ADAMTSL1: variants seen among roughly 807,000 people sequenced by gnomAD.
The protein encoded by ADAMTSL1 is ADAMTS like 1.
A neutral mutation model predicts 201.8 loss-of-function variants in ADAMTSL1; 126 were observed. That is an observed-to-expected ratio of 0.62 (90% CI 0.54 to 0.72). The LOEUF is 0.72. Among genes scored for constraint, ADAMTSL1 ranks in the 30% least tolerant of loss-of-function variants. The pLI, the probability that ADAMTSL1 is intolerant of heterozygous loss-of-function variation, is 0.00. For synonymous variants in ADAMTSL1, 1,121 were observed against 903.4 expected (o/e 1.24, Z -4.32); for missense variants, 2,679 against 2,277.8 (o/e 1.18, Z -3.59).
At chr9:18,192,470 A>G (rs1043798598) in intron 2 of ADAMTSL1, among the ~76,000 whole-genome samples, 11 of 152,122 alleles carry the variant, frequency 7.2e-5, no homozygotes, top group Non-Finnish European at 1.3e-4. Flanking sequence ...TCGTCCTACC[A>G]TATGTGTCTA....
intron 2 of ADAMTSL1, among the ~76,000 whole-genome samples, chr9:18,371,101 G>T (rs1349352785): frequency 6.6e-6 from 1 of 151,766 alleles, no homozygotes; most frequent in African/African-American, 2.4e-5. Context: ...CTAAATTCTT[G>T]CTTTAAGTAA....
intron 2 of ADAMTSL1, among the ~76,000 whole-genome samples, chr9:18,527,408 C>G (rs1277722477): frequency 1.3e-5 from 2 of 152,046 alleles, no homozygotes; most frequent in Non-Finnish European, 2.9e-5. Context: ...GGCTATGTCA[C>G]CAGAAGGATC....
intron 16 of ADAMTSL1, 123 bp from the exon 17 acceptor site, chr9:18,770,479 T>G: frequency 2.8e-6 from 3 of 1,059,150 alleles, no homozygotes; most frequent in Non-Finnish European, 3.9e-6. Flanking sequence ...GATTCCTGGT[T>G]TTTCTTCTTC....
Position 17,931,882 on chromosome 9 carries a change from C to T in ADAMTSL1, c.87+24960C>T, listed in dbSNP as rs568467475. On this transcript the variant is annotated intron_variant, in intron 1 of 29. Coordinates refer to the ADAMTSL1 transcript ENST00000680146. Reference sequence around the variant, plus strand: ...GATCTGTCATTTGGCAAAATCCTTACAGCAGTGCTGATTGGCAACAAGATG... The same window carrying T: ...GATCTGTCATTTGGCAAAATCCTTATAGCAGTGCTGATTGGCAACAAGATG... Among the ~76,000 whole-genome samples the T allele has an allele frequency of 2.0e-5, 3 of 152,274 alleles. 1 individual carries two copies. The highest frequency in any genetic ancestry group is 4.8e-5 in the African/African-American group (2 of 41,570).
chr9:18,118,886 A>C (rs1483525285), intron 1 of ADAMTSL1, among the ~76,000 whole-genome samples: 1 of 152,262 alleles, frequency 6.6e-6, no homozygotes, highest in East Asian at 1.9e-4. Context: ...AAATACCGCA[A>C]AGCATGTGAT....
intron 1 of ADAMTSL1, among the ~76,000 whole-genome samples, chr9:18,025,609 A>C (rs1586912301): frequency 6.6e-6 from 1 of 152,072 alleles, no homozygotes; most frequent in African/African-American, 2.4e-5. Context: ...CCATTGGTCT[A>C]TGTGTCTGTT....
At chr9:18,713,199 C>G (rs1006731466) in intron 14 of ADAMTSL1, among the ~76,000 whole-genome samples, 25 of 151,174 alleles carry the variant, frequency 1.7e-4, no homozygotes, top group Non-Finnish European at 2.8e-4. Context: ...AACTAATGAG[C>G]AAAATAACCA....
chr9:17,973,821 G>T (rs1199440378), intron 1 of ADAMTSL1, among the ~76,000 whole-genome samples: 4 of 150,114 alleles, frequency 2.7e-5, no homozygotes, highest in African/African-American at 9.8e-5. Context: ...TCCATTTGTT[G>T]GTGTCCTCTT....
chr9:18,185,884 T>C (rs1023055339), intron 2 of ADAMTSL1, among the ~76,000 whole-genome samples: 1 of 152,150 alleles, frequency 6.6e-6, no homozygotes, highest in South Asian at 2.1e-4. Context: ...ATTATTGATG[T>C]GGCGTTGGAT....
intron 28 of ADAMTSL1, chr9:18,908,205 G>T (rs1830420564): frequency 1.1e-5 from 6 of 544,130 alleles, no homozygotes; most frequent in Non-Finnish European, 2.0e-5. Flanking sequence ...GCCCAGGGAG[G>T]GGCCCCATCA....
At chr9:17,992,357 A>T (rs1014921829) in intron 1 of ADAMTSL1, among the ~76,000 whole-genome samples, 6 of 152,172 alleles carry the variant, frequency 3.9e-5, no homozygotes, top group African/African-American at 1.4e-4. Context: ...GTTGCTTGTA[A>T]AATATATTCA....
At chr9:18,319,896 C>T (rs552017276) in intron 2 of ADAMTSL1, among the ~76,000 whole-genome samples, 27 of 152,238 alleles carry the variant, frequency 1.8e-4, no homozygotes, top group African/African-American at 6.3e-4. Flanking sequence ...CTAGATTATC[C>T]TGGTGGGCTC....
intron 1 of ADAMTSL1, among the ~76,000 whole-genome samples, chr9:17,947,164 ATATATAGT>A (rs1203502034): frequency 2.0e-5 from 3 of 150,890 alleles, no homozygotes; most frequent in African/African-American, 7.3e-5. Flanking sequence ...CTATATATAC[ATATATAGT>A]TATATATAGT....
At chr9:18,726,400 A>G (rs1478624081) in intron 15 of ADAMTSL1, among the ~76,000 whole-genome samples, 1 of 151,948 alleles carries the variant, frequency 6.6e-6, no homozygotes, top group African/African-American at 2.4e-5. Flanking sequence ...AGTCATAGCT[A>G]CTTGGGAGGC....
intron 16 of ADAMTSL1, among the ~76,000 whole-genome samples, chr9:18,759,818 A>T (rs1001300568): frequency 2.0e-5 from 3 of 152,250 alleles, no homozygotes; most frequent in African/African-American, 7.2e-5. Flanking sequence ...GAGTCAAGAA[A>T]GCTTGAGACT....
Position 18,845,771 on chromosome 9 carries a change from C to G in ADAMTSL1, c.4249+15794C>G, listed in dbSNP as rs1326287440. 3.3e-5 allele frequency among the ~76,000 whole-genome samples: 5 copies of G among 152,294 alleles called. No individual in the cohort carries two copies. The Middle Eastern group carries it at 0.014, about 414-fold the overall frequency. On this transcript the variant is annotated intron_variant, in intron 23 of 28. Coordinates refer to ENST00000380548, the MANE Select transcript of ADAMTSL1 (RefSeq NM_001040272.6). ...AAGGTGAAGGAATTACTTCTTTCTCCAACACTGAGGTTAAGACTGGGACAA... is the reference window on the plus strand; with the variant it reads ...AAGGTGAAGGAATTACTTCTTTCTCGAACACTGAGGTTAAGACTGGGACAA...
At chr9:18,582,617 G>A (rs1430846586) in intron 4 of ADAMTSL1, among the ~76,000 whole-genome samples, 1 of 152,100 alleles carries the variant, frequency 6.6e-6, no homozygotes, top group Admixed American at 6.5e-5. Flanking sequence ...GGGAGGCTGA[G>A]GTGGGTGGAT....
At chr9:18,443,941 A>G (rs1277499708) in intron 2 of ADAMTSL1, among the ~76,000 whole-genome samples, 3 of 152,226 alleles carry the variant, frequency 2.0e-5, no homozygotes, top group Non-Finnish European at 2.9e-5. Flanking sequence ...ATTGTGAAGT[A>G]TAAGTACCTG....
intron 2 of ADAMTSL1, among the ~76,000 whole-genome samples, chr9:18,204,796 C>T (rs1760634532): frequency 6.6e-6 from 1 of 151,962 alleles, no homozygotes; most frequent in Admixed American, 6.6e-5. Context: ...ATCTGGTTGC[C>T]CTGGGCAATA....
Sources: gnomAD v4.1 joint callset for allele counts (sites outside exome capture counted in the v4.1 genomes callset) on GRCh38, gnomAD v4.1.1 for gene constraint, MANE v1.5 for transcripts, NCBI Gene and HGNC (gene_info 2026-07-23, HGNC 2026-07-21) for gene names.